The following SLC60A1 variants were observed in gnomAD, a reference collection of about 807,000 sequenced individuals.
SLC60A1 encodes major facilitator superfamily domain containing 4.
At chr1:205,580,987 A>C in the SLC60A1 span, 1 of 1,546,912 alleles carries the variant, frequency 6.5e-7, no homozygotes, top group South Asian at 1.2e-5. The surrounding 1 kb of genome is among the most constrained non-coding windows in gnomAD (Gnocchi z 5.0). Context: ...AGTCCACCCC[A>C]CACCCAGTGA....
At chr1:205,597,979 C>T in the SLC60A1 span, 3 of 940,764 alleles carry the variant, frequency 3.2e-6, no homozygotes, top group South Asian at 2.9e-5. Context: ...GCCAGCAGGG[C>T]CCCCTGTGCC....
chr1:205,593,213 G>A, the SLC60A1 span, among the ~76,000 whole-genome samples: 1 of 152,048 alleles, frequency 6.6e-6, no homozygotes, highest in Non-Finnish European at 1.5e-5. Context: ...GCTCACGCCT[G>A]TAATCCCAGC....
chr1:205,573,080 C>T, the SLC60A1 span, among the ~76,000 whole-genome samples: 1 of 151,980 alleles, frequency 6.6e-6, no homozygotes, highest in Non-Finnish European at 1.5e-5. Context: ...CTGGGCAGCA[C>T]AGTGAGACTC....
At chr1:205,576,047 T>C in the SLC60A1 span, among the ~76,000 whole-genome samples, 2 of 152,140 alleles carry the variant, frequency 1.3e-5, no homozygotes, top group African/African-American at 4.8e-5. Context: ...ACAGGACTCA[T>C]GTCATTGCTG....
the SLC60A1 span, among the ~76,000 whole-genome samples, chr1:205,582,213 G>A: frequency 6.6e-6 from 1 of 152,192 alleles, no homozygotes; most frequent in African/African-American, 2.4e-5. Context: ...GAACCTCTAG[G>A]CTGAGACTCC....
At chr1:205,589,876 C>G in the SLC60A1 span, among the ~76,000 whole-genome samples, 1 of 152,138 alleles carries the variant, frequency 6.6e-6, no homozygotes, top group East Asian at 1.9e-4. Flanking sequence ...ATGGGGTGGT[C>G]TGGATGGATC....
chr1:205,589,050 G>A, the SLC60A1 span, among the ~76,000 whole-genome samples: 2 of 152,276 alleles, frequency 1.3e-5, no homozygotes, highest in South Asian at 2.1e-4. Flanking sequence ...AATAAGACTC[G>A]GGTGTCTTTC....
the SLC60A1 span, chr1:205,592,350 G>T: frequency 6.8e-7 from 1 of 1,479,810 alleles, no homozygotes; most frequent in Non-Finnish European, 9.0e-7. Context: ...GCCTCGCTCT[G>T]CCCTGTCTCT....
chr1:205,587,924 G>A, the SLC60A1 span, among the ~76,000 whole-genome samples: 5 of 152,158 alleles, frequency 3.3e-5, no homozygotes, highest in Non-Finnish European at 7.4e-5. Context: ...GAAAATAAAG[G>A]TCTGAAGCAT....
chr1:205,592,572 C>T, the SLC60A1 span, among the ~76,000 whole-genome samples: 1 of 151,896 alleles, frequency 6.6e-6, no homozygotes, highest in East Asian at 1.9e-4. Flanking sequence ...TGTGATGTTC[C>T]CCTGTGCTCT....
chr1:205,579,722 T>C, the SLC60A1 span: 1 of 1,612,780 alleles, frequency 6.2e-7, no homozygotes. Context: ...TCCAGCCCCA[T>C]CCCCTGACAT....
the SLC60A1 span, chr1:205,602,757 G>C: frequency 6.6e-6 from 1 of 152,126 alleles, no homozygotes; most frequent in East Asian, 1.9e-4. Context: ...AAAAGCAGTT[G>C]TATTTTTCTT....
chr1:205,581,374 C>T, the SLC60A1 span, among the ~76,000 whole-genome samples: 1 of 152,250 alleles, frequency 6.6e-6, no homozygotes, highest in Non-Finnish European at 1.5e-5. The surrounding 1 kb of genome is among the most constrained non-coding windows in gnomAD (Gnocchi z 4.2). Flanking sequence ...CTGAAGGGCC[C>T]TGCCTGCCAA....
At chr1:205,571,220 G>A in the SLC60A1 span, among the ~76,000 whole-genome samples, 3 of 152,346 alleles carry the variant, frequency 2.0e-5, no homozygotes, top group East Asian at 3.9e-4. Flanking sequence ...GCATAAGGAA[G>A]TGGAGGCACA....
At chr1:205,586,213 C>T in the SLC60A1 span, 1 of 1,612,970 alleles carries the variant, frequency 6.2e-7, no homozygotes, top group Non-Finnish European at 8.5e-7. Flanking sequence ...ACGTGGTAAG[C>T]AGCTGAATAG....
the SLC60A1 span, among the ~76,000 whole-genome samples, chr1:205,585,306 T>C: frequency 6.6e-6 from 1 of 152,206 alleles, no homozygotes; most frequent in Non-Finnish European, 1.5e-5. This position sits in a 1 kb window ranked among gnomAD's most constrained non-coding sequence, Gnocchi z 4.2. Flanking sequence ...GGTGGTGCCC[T>C]ATTCCCCAAT....
At chr1:205,576,969 G>C in the SLC60A1 span, among the ~76,000 whole-genome samples, 1 of 152,096 alleles carries the variant, frequency 6.6e-6, no homozygotes, top group Non-Finnish European at 1.5e-5. Context: ...TCCCTTTTCC[G>C]TCTTTTCTCT....
the SLC60A1 span, among the ~76,000 whole-genome samples, chr1:205,588,707 T>C: frequency 6.6e-6 from 1 of 152,172 alleles, no homozygotes; most frequent in Admixed American, 6.5e-5. Context: ...AGTATTCCTC[T>C]CTAGGTTAAA....
chr1:205,569,712 G>GGGGC, the SLC60A1 span, among the ~76,000 whole-genome samples: 1 of 152,242 alleles, frequency 6.6e-6, no homozygotes, highest in East Asian at 1.9e-4. Flanking sequence ...CCGGCTGCCG[G>GGGGC]GGGCGGGATT....
Sources: allele counts gnomAD v4.1 joint callset (sites outside exome capture counted in the v4.1 genomes callset), GRCh38; gene constraint gnomAD v4.1.1; non-coding constraint Gnocchi (gnomAD v3.1); transcripts MANE v1.5; gene names NCBI Gene and HGNC (gene_info 2026-07-23, HGNC 2026-07-21).